The following ADGRG1 variants were observed in gnomAD, a reference collection of about 807,000 sequenced individuals.
ADGRG1 encodes the protein adhesion G protein-coupled receptor G1, also known as 7-transmembrane protein with no EGF-like N-terminal domains-1.
Under a neutral mutation model 73.5 loss-of-function variants are expected in ADGRG1, and 53 were observed. That is an observed-to-expected ratio of 0.72 (90% CI 0.58 to 0.91). The LOEUF is 0.91. ADGRG1 is among the 40% of genes least tolerant of loss of function. The probability of loss-of-function intolerance (pLI) is 0.00; values close to 1 mark genes in which losing one functional copy is unlikely to be tolerated. For synonymous variants in ADGRG1, 394 were observed against 374.4 expected, an observed-to-expected ratio of 1.05 and a Z score of -0.60; for missense variants, 795 against 871.8, an observed-to-expected ratio of 0.91 and a Z score of 1.11.
At chr16:57,631,553 G>A (rs531987334) in intron 1 of ADGRG1, 4 of 985,594 alleles carry the variant, frequency 4.1e-6, no homozygotes, top group East Asian at 2.3e-4. Context: ...GCTTGATCAG[G>A]GCTCAGCCCC....
intron 1 of ADGRG1, chr16:57,643,560 G>A: frequency 1.0e-6 from 1 of 983,654 alleles, no homozygotes; most frequent in Non-Finnish European, 1.2e-6. Context: ...TGGCGGTATG[G>A]GGGGTGGGGG....
Position 57,653,307 on chromosome 16 carries a change from A to G in ADGRG1, c.592A>G (p.Arg198Gly). The change falls in exon 4 of 14, where the codon AGG (arginine) becomes GGG (glycine). Residue 198 changes from arginine to glycine, a missense_variant. Transcript: ENST00000562631. Reference sequence around the variant, plus strand: ...CCTGAAGCATCCCCAGAAGGCCTCAAGGAGGCCCTCGGCTGCCCCCGCCAG... The same window carrying G: ...CCTGAAGCATCCCCAGAAGGCCTCAGGGAGGCCCTCGGCTGCCCCCGCCAG... ...QFLKHPQKAS[R>G]RPSAAPASQQ... 1.1e-5 allele frequency: 17 copies of G among 1,611,710 alleles called. No individual in the cohort carries two copies. The highest frequency in any genetic ancestry group is 1.4e-5 in the Non-Finnish European group (17 of 1,179,946).
intron 3 of ADGRG1, chr16:57,651,847 A>C (rs1386843124): frequency 6.2e-6 from 9 of 1,444,258 alleles, no homozygotes; most frequent in Non-Finnish European, 8.2e-6. Flanking sequence ...CTTGATGGTT[A>C]CTTTGTGGGC....
intron 5 of ADGRG1, chr16:57,654,949 G>T: frequency 2.0e-6 from 1 of 497,966 alleles, no homozygotes; most frequent in Non-Finnish European, 2.6e-6. Flanking sequence ...TGACCTCCGG[G>T]GTTCAAGCAG....
In ADGRG1 at chr16:57,644,704, GCACACACTGATCACACGCACTGGCA is replaced by G. The variant is rs1375138054; in HGVS notation, c.-35-5543_-35-5519del. Among the ~76,000 whole-genome samples the G allele has an allele frequency of 6.4e-4, 35 of 54,416 alleles. 1 individual carries two copies. Among genetic ancestry groups the G allele is most frequent in the Non-Finnish European group, 3.2e-4 (9 of 28,016 alleles). 35.7% of individuals were successfully genotyped at this position (54,416 alleles called of 152,430 possible). On this transcript the variant is annotated intron_variant, in intron 1 of 13. Transcript: ENST00000562631. ...CATGCACAAGCACACACATGCACGG[GCACACACTGATCACACGCACTGGCA>G]CACACTGATCACACGTATGCACGGG...
intron 1 of ADGRG1, chr16:57,632,706 C>T (rs1365483164): frequency 1.3e-5 from 11 of 858,296 alleles, no homozygotes; most frequent in African/African-American, 1.3e-4. Flanking sequence ...CTGGCGCCTG[C>T]GCAGGCTCAG....
chr16:57,645,419 G>C, intron 1 of ADGRG1: 1 of 767,736 alleles, frequency 1.3e-6, no homozygotes, highest in Non-Finnish European at 1.6e-6. Context: ...TGTCTTTCAG[G>C]AAGCCCCTTC....
chr16:57,644,006 A>AT (rs2041556872), intron 1 of ADGRG1: 1 of 984,932 alleles, frequency 1.0e-6, no homozygotes, highest in South Asian at 4.7e-5. Flanking sequence ...ATTTACTTTT[A>AT]TTAAAAAAGT....
Position 57,663,654 on chromosome 16 carries a change from C to G in ADGRG1, c.*72C>G, listed in dbSNP as rs1279030767. 4 of 1,542,676 alleles carry G rather than the reference C, an allele frequency of 2.6e-6. No individual in the cohort carries two copies. The highest frequency in any genetic ancestry group is 1.1e-5 in the South Asian group (1 of 89,698). On this transcript the variant is annotated 3_prime_UTR_variant, in exon 14 of 14. Transcript: ENST00000562631. ...TCGCACACTGCCTGTGGCCCCCGAG[C>G]CCGGCCCAGCCCCAGGCCAGTCAGC...
Position 57,663,566 on chromosome 16 carries a change from C to G in ADGRG1, c.2048C>G (p.Ser683Trp). Reference protein sequence around the residue: ...ARLPISSGSTSSSRI With the variant: ...ARLPISSGSTWSSRI ...CTCCCCATCAGCTCGGGCAGCACCT[C>G]GTCCAGCCGCATCTAGGCCTCCAGC... The change falls in exon 14 of 14, where the codon TCG (serine) becomes TGG (tryptophan). Residue 683 changes from serine (S) to tryptophan (W), a missense_variant. Transcript: ENST00000562631. The G allele has an allele frequency of 6.2e-7, 1 of 1,613,500 alleles. No homozygotes were observed. The highest frequency in any genetic ancestry group is 8.5e-7 in the Non-Finnish European group (1 of 1,179,990).
exon 1 of ADGRG1, chr16:57,620,984 T>C (rs958143878): frequency 6.6e-6 from 1 of 151,950 alleles, no homozygotes; most frequent in Non-Finnish European, 1.5e-5. Context: ...TGTAAACCCA[T>C]AAGCTGCAGC....
At chr16:57,644,202 G>C in intron 1 of ADGRG1, 1 of 984,690 alleles carries the variant, frequency 1.0e-6, no homozygotes. Context: ...ATGCATCCCT[G>C]TGTATGCACG....
intron 7 of ADGRG1, 106 bp downstream of exon 7, chr16:57,656,098 A>T: frequency 6.2e-7 from 1 of 1,613,222 alleles, no homozygotes; most frequent in Non-Finnish European, 8.5e-7. Flanking sequence ...CGATTGCCTG[A>T]TCGAGCAGTC....
chr16:57,647,368 A>AG, intron 1 of ADGRG1: 1 of 982,344 alleles, frequency 1.0e-6, no homozygotes, highest in Non-Finnish European at 1.2e-6. Context: ...GTACGGGAAG[A>AG]GGGGGAAACA....
At chr16:57,660,626 A>G in intron 11 of ADGRG1, 142 bp from the exon 12 acceptor site, 1 of 1,511,454 alleles carries the variant, frequency 6.6e-7, no homozygotes, top group Admixed American at 2.0e-5. Flanking sequence ...ACTTGGGGGA[A>G]CTTCCCCACC....
At chr16:57,639,523 T>C in intron 1 of ADGRG1, 1 of 985,464 alleles carries the variant, frequency 1.0e-6, no homozygotes, top group Non-Finnish European at 1.2e-6. Context: ...GTGGCCCAGC[T>C]TCAAAGTCTC....
chr16:57,639,071 GAA>G lies in ADGRG1; in HGVS notation c.-36+10282_-36+10283del, dbSNP rs79842689. Among the ~76,000 whole-genome samples the G allele has an allele frequency of 3.8e-5, 5 of 131,608 alleles. No homozygotes were observed. The East Asian group carries it at 8.8e-4, about 23-fold the overall frequency. 86.3% of individuals were successfully genotyped at this position (131,608 alleles called of 152,430 possible). Reference sequence around the variant, plus strand: ...GGCGAAAGAGCGAAACTCTGTTTGAGAAAAAAAAAAAAAAGATTTGGTTTTAA... The same window carrying G: ...GGCGAAAGAGCGAAACTCTGTTTGAGAAAAAAAAAAAAGATTTGGTTTTAA... On this transcript the variant is annotated intron_variant, in intron 1 of 13. Transcript: ENST00000562631.
At chr16:57,656,471 G>C (rs2045760323) in intron 8 of ADGRG1, 43 bp from the exon 9 acceptor site, 1 of 1,585,012 alleles carries the variant, frequency 6.3e-7, no homozygotes, top group Non-Finnish European at 8.7e-7. Flanking sequence ...TGGGGTCCTG[G>C]AGGACTGGAC....
At position 57,628,885 on chromosome 16, in the gene ADGRG1, A is replaced by AGAGTGTGAGTGTGT. The variant is rs1280561833; in HGVS notation, c.-36+101_-36+114dup. The AGAGTGTGAGTGTGT allele has an allele frequency of 5.1e-6, 4 of 781,466 alleles. No homozygotes were observed. The African/African-American group carries it at 6.5e-5, about 13-fold the overall frequency. 48.4% of individuals were successfully genotyped at this position (781,466 alleles called of 1,614,324 possible). A position where few individuals can be genotyped will look rare whatever the true frequency, so the allele number is the denominator to read the frequency against. On this transcript the variant is annotated intron_variant, in intron 1 of 13. Transcript: ENST00000562631. The stretch of plus-strand genomic sequence containing the variant: ...GTGAGTGTGTGAGCGTGAGTGTGTG[A>AGAGTGTGAGTGTGT]GAGTGTGAGTGTGTGAGTGTGAGTG...
Sources: gnomAD v4.1 joint callset for allele counts (sites outside exome capture counted in the v4.1 genomes callset) on GRCh38, gnomAD v4.1.1 for gene constraint, MANE v1.5 for transcripts, NCBI Gene and HGNC (gene_info 2026-07-23, HGNC 2026-07-21) for gene names.